GNAL: variants seen among roughly 807,000 people sequenced by gnomAD.
GNAL encodes guanine nucleotide-binding protein G(olf) subunit alpha.
In GNAL, 18 loss-of-function variants were observed where a neutral mutation model predicts 55.1. That is an observed-to-expected ratio of 0.33 (90% CI 0.23 to 0.48). The LOEUF (loss-of-function observed/expected upper bound fraction) is 0.48, where lower values mean the gene tolerates loss of function less well. Ranked by LOEUF, GNAL falls within the 20% of genes least tolerant of loss-of-function variation. The pLI is 0.99. For missense variants in GNAL, 412 were observed against 614.1 expected (o/e 0.67, Z 3.48); for synonymous variants, 253 against 237.0 (o/e 1.07, Z -0.62).
chr18:11,865,447 A>G (rs2036241060), intron 7 of GNAL, among the ~76,000 whole-genome samples: 1 of 148,640 alleles, frequency 6.7e-6, no homozygotes, highest in East Asian at 1.9e-4. Context: ...AAACCCCACA[A>G]ATCTATCAAA....
intron 4 of GNAL, among the ~76,000 whole-genome samples, chr18:11,798,894 G>C (rs1327525645): frequency 6.6e-6 from 1 of 152,012 alleles, no homozygotes; most frequent in Non-Finnish European, 1.5e-5. Flanking sequence ...GGCCGAGGCA[G>C]GCAGATCAGG....
intron 4 of GNAL, among the ~76,000 whole-genome samples, chr18:11,820,443 T>C (rs1301165558): frequency 6.6e-6 from 1 of 152,242 alleles, no homozygotes; most frequent in Non-Finnish European, 1.5e-5. Context: ...GTTGAGATAA[T>C]GGTATTACGG....
chr18:11,702,495 G>C (rs529957594), intron 1 of GNAL, among the ~76,000 whole-genome samples: 13 of 152,332 alleles, frequency 8.5e-5, no homozygotes, highest in Non-Finnish European at 1.8e-4. Context: ...TTGTAGAGCA[G>C]CTTGTCTATT....
intron 1 of GNAL, among the ~76,000 whole-genome samples, chr18:11,734,729 A>C (rs1209403313): frequency 6.6e-6 from 1 of 151,504 alleles, no homozygotes; most frequent in East Asian, 1.9e-4. Context: ...GTCATTCTGT[A>C]GTTCACTCAG....
At chr18:11,757,764 C>T (rs980269555) in intron 4 of GNAL, among the ~76,000 whole-genome samples, 2 of 152,154 alleles carry the variant, frequency 1.3e-5, no homozygotes, top group Admixed American at 6.5e-5. Context: ...CAGCTGGATG[C>T]GTGAGGCCCC....
intron 5 of GNAL, among the ~76,000 whole-genome samples, chr18:11,857,958 A>G (rs1304700101): frequency 6.6e-6 from 1 of 152,216 alleles, no homozygotes; most frequent in Non-Finnish European, 1.5e-5. Context: ...CAGATTTCCA[A>G]TTGCTATATG....
intron 1 of GNAL, among the ~76,000 whole-genome samples, chr18:11,693,741 C>CTTTTTTTTT (rs576637274): frequency 9.0e-6 from 1 of 110,962 alleles, no homozygotes; most frequent in Admixed American, 9.7e-5. Flanking sequence ...CCAGCAGTGT[C>CTTTTTTTTT]TTTTTTTTTT....
chr18:11,823,014 A>G (rs561213420), intron 4 of GNAL, among the ~76,000 whole-genome samples: 3 of 152,200 alleles, frequency 2.0e-5, no homozygotes, highest in African/African-American at 7.2e-5. Context: ...GTTTTTATAT[A>G]TCATACGTCT....
intron 5 of GNAL, among the ~76,000 whole-genome samples, chr18:11,829,542 G>A (rs2035329508): frequency 1.3e-5 from 2 of 152,112 alleles, no homozygotes; most frequent in South Asian, 4.1e-4. Context: ...TAAAAGAAAG[G>A]ACATTTCAAA....
chr18:11,829,351 A>G (rs557153391), intron 5 of GNAL, among the ~76,000 whole-genome samples: 62 of 152,370 alleles, frequency 4.1e-4, no homozygotes, highest in African/African-American at 1.5e-3. Context: ...TTGCATCCTA[A>G]TAACTATCTT....
At chr18:11,873,275 C>T (rs1433577833) in intron 10 of GNAL, among the ~76,000 whole-genome samples, 1 of 152,164 alleles carries the variant, frequency 6.6e-6, no homozygotes, top group Non-Finnish European at 1.5e-5. Flanking sequence ...AGAAAACTTG[C>T]ATTTGTCATT....
At chr18:11,818,175 T>C (rs1247926272) in intron 4 of GNAL, among the ~76,000 whole-genome samples, 1 of 152,022 alleles carries the variant, frequency 6.6e-6, no homozygotes, top group African/African-American at 2.4e-5. Context: ...AGAGGAGAAT[T>C]TTAGATAAAC....
In GNAL at chr18:11,717,218, C is replaced by T. The variant is rs139616130; in HGVS notation, c.376+27279C>T. Among the ~76,000 whole-genome samples, 125 of 152,342 alleles carry T rather than the reference C, an allele frequency of 8.2e-4. 1 individual carries two copies. The East Asian group carries it at 0.014, about 17-fold the overall frequency. Reference sequence around the variant, plus strand: ...CCGGCCGCTCCCAGTGCGGGGTCCGCGGAGCCCACGCCCACCCGGAAGTCA... The same window carrying T: ...CCGGCCGCTCCCAGTGCGGGGTCCGTGGAGCCCACGCCCACCCGGAAGTCA... On this transcript the variant is annotated intron_variant, in intron 1 of 11. Transcript: ENST00000334049.
chr18:11,704,469 A>G (rs1210665095), intron 1 of GNAL, among the ~76,000 whole-genome samples: 1 of 152,204 alleles, frequency 6.6e-6, no homozygotes, highest in African/African-American at 2.4e-5. Context: ...GAATGGGCCT[A>G]GGGTGATCAG....
chr18:11,801,516 T>C (rs1242792836), intron 4 of GNAL, among the ~76,000 whole-genome samples: 1 of 152,000 alleles, frequency 6.6e-6, no homozygotes, highest in African/African-American at 2.4e-5. Flanking sequence ...GAACTCTTAG[T>C]GAATAAGGTC....
At chr18:11,844,575 A>G (rs1372405942) in intron 5 of GNAL, among the ~76,000 whole-genome samples, 1 of 152,218 alleles carries the variant, frequency 6.6e-6, no homozygotes, top group East Asian at 1.9e-4. Context: ...AGCTGGGTCT[A>G]AGGCAGATCA....
In GNAL at chr18:11,884,698, C is replaced by G. The variant is rs774107475; in HGVS notation, c.*3563C>G. 7.5e-5 allele frequency: 113 copies of G among 1,503,806 alleles called. No individual in the cohort carries two copies. The highest frequency in any genetic ancestry group is 9.8e-5 in the Non-Finnish European group (107 of 1,093,476). The allele number at this position is 1,503,806 out of a possible 1,614,324, so 93.2% of individuals were successfully genotyped here. On this transcript the variant is annotated 3_prime_UTR_variant, in exon 12 of 12. Transcript: ENST00000334049. ...TTGAACACCGCAGTCTTAGAAACAG[C>G]AGAGGGAAGACTGCCTTCTCAGGTC...
At chr18:11,770,245 G>C (rs995924731) in intron 4 of GNAL, among the ~76,000 whole-genome samples, 1 of 151,910 alleles carries the variant, frequency 6.6e-6, no homozygotes, top group African/African-American at 2.4e-5. Flanking sequence ...AATTCAAACT[G>C]AGTATGATTT....
rs147269793 is a variant in GNAL at position 11,825,044 on chromosome 18, G to A, written c.722+29G>A. Reference sequence around the variant, plus strand: ...AGTTGTGTCCTGTACAAGTTACAGGGCCCTTTGAAGAATATGATTGCATGC... The same window carrying A: ...AGTTGTGTCCTGTACAAGTTACAGGACCCTTTGAAGAATATGATTGCATGC... On this transcript the variant is annotated intron_variant, in intron 5 of 11. Transcript: ENST00000334049. 2.8e-3 allele frequency: 3,304 copies of A among 1,163,596 alleles called. 26 individuals are homozygous for A. Among genetic ancestry groups the A allele is most frequent in the Non-Finnish European group, 2.0e-3 (1,533 of 779,280 alleles). The allele number at this position is 1,163,596 out of a possible 1,614,324, so 72.1% of individuals were successfully genotyped here. A position where few individuals can be genotyped will look rare whatever the true frequency, so the allele number is the denominator to read the frequency against.
Sources: gnomAD v4.1 joint callset for allele counts (sites outside exome capture counted in the v4.1 genomes callset) on GRCh38, gnomAD v4.1.1 for gene constraint, MANE v1.5 for transcripts, NCBI Gene and HGNC (gene_info 2026-07-23, HGNC 2026-07-21) for gene names.